Variants in SOX6 observed in about 807,000 individuals in gnomAD.
The protein encoded by SOX6 is SRY-box transcription factor 6.
A neutral mutation model predicts 97.8 loss-of-function variants in SOX6; 11 were observed. The observed-to-expected ratio is 0.11, with a 90% CI of 0.07 to 0.19. The LOEUF (loss-of-function observed/expected upper bound fraction) is 0.19, where lower values mean the gene tolerates loss of function less well. Ranked by LOEUF, SOX6 falls within the 10% of genes least tolerant of loss-of-function variation. The pLI is 1.00. For synonymous variants in SOX6, 360 were observed against 371.4 expected (o/e 0.97, Z 0.35); for missense variants, 810 against 1,039.5 (o/e 0.78, Z 3.04).
At chr11:16,460,993 C>T (rs970708514) in intron 1 of SOX6, among the ~76,000 whole-genome samples, 3 of 152,008 alleles carry the variant, frequency 2.0e-5, no homozygotes, top group Non-Finnish European at 4.4e-5. Context: ...CAAGGATATC[C>T]TCATTCCTTT....
chr11:16,110,011 TCA>T (rs1345583372), intron 7 of SOX6, among the ~76,000 whole-genome samples: 1 of 152,154 alleles, frequency 6.6e-6, no homozygotes, highest in African/African-American at 2.4e-5. Flanking sequence ...TCTGTTTTTC[TCA>T]GTTACATATT....
intron 1 of SOX6, among the ~76,000 whole-genome samples, chr11:16,348,836 T>G (rs1192370922): frequency 1.3e-5 from 2 of 152,172 alleles, no homozygotes; most frequent in Admixed American, 1.3e-4. Context: ...ACGCTTCGTT[T>G]TCGTCTTCTA....
chr11:16,199,143 G>C (rs1007189639), intron 4 of SOX6, among the ~76,000 whole-genome samples: 1 of 152,130 alleles, frequency 6.6e-6, no homozygotes, highest in African/African-American at 2.4e-5. Context: ...GAATTGCTTT[G>C]AACTACAGGA....
chr11:16,531,289 T>A (rs1351681050), intron 4 of SOX6, among the ~76,000 whole-genome samples: 1 of 151,580 alleles, frequency 6.6e-6, no homozygotes. Context: ...CCCCTCCTAA[T>A]ATTATTTTTC....
chr11:16,031,038 G>T (rs1448418758), intron 12 of SOX6, among the ~76,000 whole-genome samples: 1 of 152,062 alleles, frequency 6.6e-6, no homozygotes. Flanking sequence ...AAATTGTAAA[G>T]TCTTTTCCCA....
At chr11:16,077,842 A>T (rs879532811) in intron 9 of SOX6, among the ~76,000 whole-genome samples, 14 of 152,194 alleles carry the variant, frequency 9.2e-5, no homozygotes, top group Non-Finnish European at 2.1e-4. Context: ...AGATAAAAAA[A>T]ATATCTATCA....
intron 1 of SOX6, among the ~76,000 whole-genome samples, chr11:16,353,628 G>C (rs1027000969): frequency 6.6e-6 from 1 of 151,896 alleles, no homozygotes; most frequent in Non-Finnish European, 1.5e-5. Context: ...GCATTTGCTG[G>C]AATTATCATA....
At chr11:16,438,053 A>T (rs954921602) in intron 1 of SOX6, among the ~76,000 whole-genome samples, 3 of 152,176 alleles carry the variant, frequency 2.0e-5, no homozygotes, top group Non-Finnish European at 4.4e-5. Flanking sequence ...TTTAAAAAGA[A>T]GGTTATCAAT....
intron 4 of SOX6, among the ~76,000 whole-genome samples, chr11:16,203,871 A>C (rs1356758615): frequency 6.6e-6 from 1 of 152,064 alleles, no homozygotes; most frequent in Non-Finnish European, 1.5e-5. Context: ...CGGCATTGCA[A>C]CTCTACCAAG....
intron 9 of SOX6, among the ~76,000 whole-genome samples, chr11:16,095,612 C>G (rs1438241081): frequency 1.3e-5 from 2 of 151,688 alleles, no homozygotes; most frequent in East Asian, 3.9e-4. Flanking sequence ...TATATTTGAT[C>G]AAATTTACAG....
At chr11:16,191,481 G>T (rs1851630082) in intron 4 of SOX6, among the ~76,000 whole-genome samples, 1 of 151,998 alleles carries the variant, frequency 6.6e-6, no homozygotes, top group Admixed American at 6.6e-5. Context: ...GAAAAATCAT[G>T]TCCTAAATCA....
At chr11:16,707,140 A>T (rs1340636798) in intron 3 of SOX6, among the ~76,000 whole-genome samples, 1 of 152,196 alleles carries the variant, frequency 6.6e-6, no homozygotes, top group Non-Finnish European at 1.5e-5. Flanking sequence ...TAAAATCCTT[A>T]ATATGGAATT....
chr11:16,531,213 T>C (rs1861231374), intron 4 of SOX6, among the ~76,000 whole-genome samples: 1 of 150,876 alleles, frequency 6.6e-6, no homozygotes, highest in Admixed American at 6.6e-5. Context: ...TATATGAGGA[T>C]TTTCAAGACA....
At chr11:16,555,364 G>A (rs1847738792) in intron 4 of SOX6, among the ~76,000 whole-genome samples, 1 of 151,364 alleles carries the variant, frequency 6.6e-6, no homozygotes, top group African/African-American at 2.4e-5. Context: ...AATTATTTTT[G>A]CTCAGGTGTT....
At chr11:16,517,685 A>G (rs910544320) in intron 4 of SOX6, among the ~76,000 whole-genome samples, 1 of 152,196 alleles carries the variant, frequency 6.6e-6, no homozygotes, top group Non-Finnish European at 1.5e-5. Context: ...CATCAGATAC[A>G]TGGGCATCAA....
At chr11:16,090,109 T>G (rs1386320616) in intron 9 of SOX6, among the ~76,000 whole-genome samples, 1 of 152,108 alleles carries the variant, frequency 6.6e-6, no homozygotes, top group Non-Finnish European at 1.5e-5. Flanking sequence ...CATCACATCT[T>G]ACAAGAAATC....
At chr11:16,593,955 TA>T (rs1482111345) in intron 4 of SOX6, among the ~76,000 whole-genome samples, 1 of 152,244 alleles carries the variant, frequency 6.6e-6, no homozygotes, top group Non-Finnish European at 1.5e-5. Context: ...GTATACTTTT[TA>T]TATGCTCTAT....
intron 1 of SOX6, among the ~76,000 whole-genome samples, chr11:16,440,616 C>T (rs570886903): frequency 6.6e-6 from 1 of 152,268 alleles, no homozygotes; most frequent in Non-Finnish European, 1.5e-5. Flanking sequence ...TAAAATAGTA[C>T]ATTTCCTACA....
chr11:16,626,441 A>C (rs1271928238), intron 3 of SOX6, among the ~76,000 whole-genome samples: 1 of 152,200 alleles, frequency 6.6e-6, no homozygotes, highest in African/African-American at 2.4e-5. Flanking sequence ...CACTGTCTTG[A>C]TTACCATAAC....
Sources: allele counts gnomAD v4.1 joint callset (sites outside exome capture counted in the v4.1 genomes callset), GRCh38; gene constraint gnomAD v4.1.1; transcripts MANE v1.5; gene names NCBI Gene and HGNC (gene_info 2026-07-23, HGNC 2026-07-21).